Variants in SVBP observed in about 807,000 individuals in gnomAD.
The protein encoded by SVBP is small vasohibin-binding protein.
Under a neutral mutation model 9.2 loss-of-function variants are expected in SVBP, and 9 were observed. The ratio of observed to expected loss-of-function variants is 0.98; its 90% CI spans 0.59 to 1.71. The LOEUF is 1.71. Ranked by LOEUF, SVBP falls within the 40% of genes most tolerant of loss-of-function variation. The probability of loss-of-function intolerance (pLI) is 0.00; values close to 1 mark genes in which losing one functional copy is unlikely to be tolerated. For missense variants in SVBP, 63 were observed against 73.2 expected, an observed-to-expected ratio of 0.86 and a Z score of 0.51; for synonymous variants, 27 against 23.9, an observed-to-expected ratio of 1.13 and a Z score of -0.37.
At position 42,816,113 on chromosome 1, in the gene SVBP, C is replaced by G. The variant is rs1288246062; in HGVS notation, c.114+318G>C. ...TCCAGAACATCTGTACTGGGGGTGT[C>G]TGACACTTGCGTGCTCTCTCTCATT... On this transcript the variant is annotated intron_variant, in intron 2 of 2. Transcript: ENST00000372521. 6 of 255,030 alleles carry G rather than the reference C, an allele frequency of 2.4e-5. No individual in the cohort carries two copies. The East Asian group carries it at 6.2e-4, about 26-fold the overall frequency. The allele number at this position is 255,030 out of a possible 1,614,324, so 15.8% of individuals were successfully genotyped here.
At chr1:42,814,094 T>C (rs1282849602) in intron 2 of SVBP, among the ~76,000 whole-genome samples, 1 of 150,820 alleles carries the variant, frequency 6.6e-6, no homozygotes, top group Non-Finnish European at 1.5e-5. Context: ...CTTTTTCTTT[T>C]TTTTTTGTTT....
Position 42,807,071 on chromosome 1 carries a change from A to G in SVBP, c.*343T>C, listed in dbSNP as rs766925080. On this transcript the variant is annotated 3_prime_UTR_variant, in exon 3 of 3. Transcript: ENST00000372521. ...CAAATGAACATTTTATTAGTATTTT[A>G]TTTGTATTTTTGGAGAAGATATAGA... is the stretch of plus-strand genomic sequence containing the variant. The G allele has an allele frequency of 5.8e-6, 1 of 173,040 alleles. No homozygotes were observed. Among genetic ancestry groups the G allele is most frequent in the Non-Finnish European group, 1.2e-5 (1 of 82,774 alleles). The allele number at this position is 173,040 out of a possible 1,614,324, so 10.7% of individuals were successfully genotyped here.
rs750809370 is a variant in SVBP at position 42,816,466 on chromosome 1, C to G, written c.79G>C (p.Ala27Pro). The change falls in exon 2 of 3, where the codon GCC becomes CCC. Residue 27 changes from alanine (A) to proline (P), a missense_variant. Coordinates refer to ENST00000372521, the MANE Select transcript of SVBP (RefSeq NM_199342.4). ...SRVEKAKQKS[A>P]QQELKQRQRA... ...TGTCTCTGCTTCAGCTCCTGCTGGGCTGATTTCTGTTTGGCCTTCTCAACT... is the reference window on the plus strand; with the variant it reads ...TGTCTCTGCTTCAGCTCCTGCTGGGGTGATTTCTGTTTGGCCTTCTCAACT... 1 of 1,614,072 alleles carries G rather than the reference C, an allele frequency of 6.2e-7. No individual in the cohort carries two copies. Among genetic ancestry groups the G allele is most frequent in the Admixed American group, 1.7e-5 (1 of 60,002 alleles).
intron 2 of SVBP, among the ~76,000 whole-genome samples, chr1:42,811,634 T>A (rs539877435): frequency 3.9e-5 from 6 of 152,360 alleles, no homozygotes; most frequent in Admixed American, 6.5e-5. Flanking sequence ...TGCCAAGTAC[T>A]GCGCTATGGG....
In SVBP at chr1:42,808,456, T is replaced by C. The variant is rs546080411; in HGVS notation, c.115-956A>G. Among the ~76,000 whole-genome samples the C allele has an allele frequency of 2.6e-3, 378 of 145,420 alleles. 1 individual carries two copies. The highest frequency in any genetic ancestry group is 3.6e-3 in the Non-Finnish European group (243 of 66,606). On this transcript the variant is annotated intron_variant, in intron 2 of 2. Transcript: ENST00000372521. Reference sequence around the variant, plus strand: ...ATATAAGCTATATACACTATATAGCTTATATATACTAATAGTGTATATATA... The same window carrying C: ...ATATAAGCTATATACACTATATAGCCTATATATACTAATAGTGTATATATA...
At chr1:42,809,941 T>C (rs1438453583) in intron 2 of SVBP, among the ~76,000 whole-genome samples, 1 of 152,094 alleles carries the variant, frequency 6.6e-6, no homozygotes, top group East Asian at 1.9e-4. Flanking sequence ...CAAGAATGAT[T>C]AGCATAAAAT....
At chr1:42,810,139 CACACACACACACACAT>C (rs1654050792) in intron 2 of SVBP, among the ~76,000 whole-genome samples, 1 of 150,984 alleles carries the variant, frequency 6.6e-6, no homozygotes, top group African/African-American at 2.5e-5. Context: ...CACACACACA[CACACACACACACACAT>C]ATATTTTTTT....
At chr1:42,808,139 G>A (rs1463566283) in intron 2 of SVBP, among the ~76,000 whole-genome samples, 19 of 36,218 alleles carry the variant, frequency 5.2e-4, no homozygotes, top group South Asian at 2.6e-3. Flanking sequence ...AATATAGTGT[G>A]TGTGTGTGTG....
chr1:42,808,142 T>TATATA, intron 2 of SVBP, among the ~76,000 whole-genome samples: 1 of 37,692 alleles, frequency 2.7e-5, no homozygotes, highest in Non-Finnish European at 5.0e-5. Context: ...ATAGTGTGTG[T>TATATA]GTGTGTGTAT....
At chr1:42,815,348 C>T (rs1205036165) in intron 2 of SVBP, among the ~76,000 whole-genome samples, 2 of 151,164 alleles carry the variant, frequency 1.3e-5, no homozygotes, top group Admixed American at 1.3e-4. Flanking sequence ...GCACAGGTAC[C>T]CTAGAACTTA....
chr1:42,810,089 A>T (rs959547273), intron 2 of SVBP, among the ~76,000 whole-genome samples: 5 of 131,220 alleles, frequency 3.8e-5, no homozygotes, highest in Non-Finnish European at 1.6e-5. Context: ...ATATAAATAT[A>T]CTTTTAACAC....
intron 2 of SVBP, 86 bp downstream of exon 2, chr1:42,816,345 C>CT: frequency 1.0e-6 from 1 of 974,854 alleles, no homozygotes; most frequent in Non-Finnish European, 1.6e-6. Flanking sequence ...GTATGGCTCG[C>CT]TGTCAGTTCT....
At chr1:42,808,149 G>GTGTA (rs1327413384) in intron 2 of SVBP, among the ~76,000 whole-genome samples, 17 of 58,320 alleles carry the variant, frequency 2.9e-4, no homozygotes, top group African/African-American at 7.4e-4. Flanking sequence ...GTGTGTGTGT[G>GTGTA]TATATATATA....
In SVBP at chr1:42,816,600, G is replaced by A. The variant is rs1405780575; in HGVS notation, c.-36-20C>T. 4.8e-6 allele frequency: 6 copies of A among 1,241,584 alleles called. No homozygotes were observed. Among genetic ancestry groups the A allele is most frequent in the Non-Finnish European group, 7.1e-6 (6 of 849,832 alleles). The allele number at this position is 1,241,584 out of a possible 1,614,324, so 76.9% of individuals were successfully genotyped here. A position where few individuals can be genotyped will look rare whatever the true frequency, so the allele number is the denominator to read the frequency against. Reference sequence around the variant, plus strand: ...TCTGATCTGGGTGGTACAGAAAGAGGCAGATCTTCAAAACAAAACAAAACA... The same window carrying A: ...TCTGATCTGGGTGGTACAGAAAGAGACAGATCTTCAAAACAAAACAAAACA... On this transcript the variant is annotated intron_variant, in intron 1 of 2. Transcript: ENST00000372521.
chr1:42,807,153 GT>G lies in SVBP; in HGVS notation c.*260del, dbSNP rs142694785. ...AATAGAAAAAGTGTTTTTTGTGTGT[GT>G]TTTTTTTTTTTTTTTAAAAAAACCC... On this transcript the variant is annotated 3_prime_UTR_variant, in exon 3 of 3. Transcript: ENST00000372521. 5,144 of 180,612 alleles carry G rather than the reference GT, an allele frequency of 0.028. 1 individual carries two copies. Among genetic ancestry groups the G allele is most frequent in the Middle Eastern group, 0.043 (25 of 582 alleles). The allele number at this position is 180,612 out of a possible 1,614,324, so 11.2% of individuals were successfully genotyped here. A position where few individuals can be genotyped will look rare whatever the true frequency, so the allele number is the denominator to read the frequency against.
chr1:42,816,572 G>A lies in SVBP; in HGVS notation c.-28C>T. 6.7e-7 allele frequency: 1 copy of A among 1,494,142 alleles called. No homozygotes were observed. The highest frequency in any genetic ancestry group is 2.3e-5 in the East Asian group (1 of 44,304). 92.6% of individuals were successfully genotyped at this position (1,494,142 alleles called of 1,614,324 possible). A position where few individuals can be genotyped will look rare whatever the true frequency, so the allele number is the denominator to read the frequency against. On this transcript the variant is annotated 5_prime_UTR_variant, in exon 2 of 3. Coordinates refer to ENST00000372521, the MANE Select transcript of SVBP (RefSeq NM_199342.4). Reference sequence around the variant, plus strand: ...CTTGACTTCTGGATATTTCTTAGGAGGCTCTGATCTGGGTGGTACAGAAAG... The same window carrying A: ...CTTGACTTCTGGATATTTCTTAGGAAGCTCTGATCTGGGTGGTACAGAAAG...
intron 2 of SVBP, among the ~76,000 whole-genome samples, chr1:42,814,864 C>G (rs1183649838): frequency 6.6e-6 from 1 of 152,108 alleles, no homozygotes; most frequent in Non-Finnish European, 1.5e-5. Flanking sequence ...CATCCCATTA[C>G]TGGGTATATA....
chr1:42,811,307 T>G (rs1654079150), intron 2 of SVBP, among the ~76,000 whole-genome samples: 1 of 152,210 alleles, frequency 6.6e-6, no homozygotes, highest in African/African-American at 2.4e-5. Context: ...AGGATAATAC[T>G]GCCTACCTCA....
intron 2 of SVBP, among the ~76,000 whole-genome samples, chr1:42,808,322 C>T (rs892531370): frequency 1.4e-5 from 2 of 144,372 alleles, no homozygotes; most frequent in African/African-American, 5.1e-5. Context: ...ACAGATCCTC[C>T]GCCTCAGCCT....
Sources: gnomAD v4.1 joint callset for allele counts (sites outside exome capture counted in the v4.1 genomes callset) on GRCh38, gnomAD v4.1.1 for gene constraint, MANE v1.5 for transcripts, NCBI Gene and HGNC (gene_info 2026-07-23, HGNC 2026-07-21) for gene names.